Variants in SPATA6 observed in about 807,000 individuals in gnomAD.
SPATA6 encodes spermatogenesis associated 6.
A neutral mutation model predicts 65.3 loss-of-function variants in SPATA6; 56 were observed. The ratio of observed to expected loss-of-function variants is 0.86; its 90% CI spans 0.69 to 1.07. SPATA6 has a LOEUF of 1.07. SPATA6 is among the 50% of genes least tolerant of loss of function. SPATA6 has a pLI of 0.00. For missense variants in SPATA6, 590 were observed against 594.8 expected, an observed-to-expected ratio of 0.99 and a Z score of 0.08; for synonymous variants, 199 against 213.2, an observed-to-expected ratio of 0.93 and a Z score of 0.58.
At chr1:48,460,287 T>A (rs1439667168) in intron 1 of SPATA6, among the ~76,000 whole-genome samples, 1 of 152,160 alleles carries the variant, frequency 6.6e-6, no homozygotes, top group Non-Finnish European at 1.5e-5. Context: ...TTCTAAAAGG[T>A]ATATTACAGC....
chr1:48,316,310 G>T (rs1476014534), intron 11 of SPATA6, among the ~76,000 whole-genome samples: 1 of 152,142 alleles, frequency 6.6e-6, no homozygotes, highest in African/African-American at 2.4e-5. Flanking sequence ...AACCAAAACA[G>T]CATGGTACTG....
At position 48,339,740 on chromosome 1, in the gene SPATA6, TAAA is replaced by T. The variant is rs1186092535; in HGVS notation, c.1194+15927_1194+15929del. Among the ~76,000 whole-genome samples, 3 of 152,018 alleles carry T rather than the reference TAAA, an allele frequency of 2.0e-5. No individual in the cohort carries two copies. In the East Asian group the frequency reaches 5.8e-4, roughly 29 times the overall value. On this transcript the variant is annotated intron_variant, in intron 11 of 12. Coordinates refer to ENST00000371847, the MANE Select transcript of SPATA6 (RefSeq NM_019073.4). ...CACAATAAAATAGCAAATAGAATGA[TAAA>T]AATTGGAAAGAGCGCAAGAAACTTG... is the stretch of plus-strand genomic sequence containing the variant.
the SPATA6 span, among the ~76,000 whole-genome samples, chr1:48,283,307 C>T: frequency 2.4e-4 from 36 of 150,942 alleles, no homozygotes; most frequent in African/African-American, 8.8e-4. Flanking sequence ...ACATTGTGCA[C>T]ATGTACCCCC....
At chr1:48,299,456 G>A (rs546446880) in intron 12 of SPATA6, among the ~76,000 whole-genome samples, 5 of 134,222 alleles carry the variant, frequency 3.7e-5, no homozygotes, top group Non-Finnish European at 7.7e-5. Context: ...AGAGGTTGCA[G>A]TGAGCTGAGA....
chr1:48,411,672 C>T (rs982142620), intron 4 of SPATA6, 84 bp from the exon 5 acceptor site: 55 of 1,165,570 alleles, frequency 4.7e-5, no homozygotes, highest in African/African-American at 2.9e-4. Flanking sequence ...ATATCTACTG[C>T]CTGATGCCTT....
chr1:48,377,428 T>C (rs1231129755), intron 9 of SPATA6, among the ~76,000 whole-genome samples: 4 of 152,134 alleles, frequency 2.6e-5, no homozygotes, highest in African/African-American at 4.8e-5. Flanking sequence ...TTTTCCCTTT[T>C]CTATTGCAGA....
At chr1:48,410,526 T>A (rs1201308016) in intron 5 of SPATA6, among the ~76,000 whole-genome samples, 1 of 152,194 alleles carries the variant, frequency 6.6e-6, no homozygotes, top group Non-Finnish European at 1.5e-5. Flanking sequence ...TCGGTACCAA[T>A]GTACTGTATT....
chr1:48,408,855 C>G (rs1013663845), intron 5 of SPATA6, among the ~76,000 whole-genome samples: 2 of 152,120 alleles, frequency 1.3e-5, no homozygotes, highest in Admixed American at 1.3e-4. Context: ...AAGACCCATC[C>G]CCATGATTCA....
intron 5 of SPATA6, among the ~76,000 whole-genome samples, chr1:48,409,834 G>GACT (rs1652049445): frequency 6.6e-6 from 1 of 152,178 alleles, no homozygotes; most frequent in Admixed American, 6.5e-5. Flanking sequence ...CAAGTCCCTA[G>GACT]GCTGCACACA....
At chr1:48,411,301 CAT>C (rs1368376948) in intron 5 of SPATA6, among the ~76,000 whole-genome samples, 161 bp downstream of exon 5, 1 of 151,982 alleles carries the variant, frequency 6.6e-6, no homozygotes, top group African/African-American at 2.4e-5. Flanking sequence ...GTTTAAGTAA[CAT>C]ATTGAAATCT....
the SPATA6 span, among the ~76,000 whole-genome samples, chr1:48,282,270 A>G: frequency 9.8e-5 from 15 of 152,316 alleles, no homozygotes; most frequent in East Asian, 2.7e-3. Flanking sequence ...GGACATAGGC[A>G]TGGGCAAGGA....
chr1:48,472,153 C>G lies in SPATA6; in HGVS notation c.-145G>C, dbSNP rs964467961. The stretch of plus-strand genomic sequence containing the variant: ...CCCCAGGCCGGGGCCCGCGGTCCAG[C>G]CTGGGTTCCGCCGGAGAAGCAGCTG... On this transcript the variant is annotated 5_prime_UTR_variant, in exon 1 of 13. Transcript: ENST00000371847. The G allele has an allele frequency of 1.1e-5, 7 of 611,632 alleles. No homozygotes were observed. Among genetic ancestry groups the G allele is most frequent in the Non-Finnish European group, 1.9e-5 (7 of 374,284 alleles). 37.9% of individuals were successfully genotyped at this position (611,632 alleles called of 1,614,324 possible).
the SPATA6 span, among the ~76,000 whole-genome samples, chr1:48,273,735 T>C: frequency 1.3e-5 from 2 of 152,196 alleles, no homozygotes; most frequent in Non-Finnish European, 2.9e-5. Context: ...CTTTATACAT[T>C]CTATCATTTA....
intron 11 of SPATA6, among the ~76,000 whole-genome samples, chr1:48,350,342 A>T (rs1646482884): frequency 6.7e-6 from 1 of 148,912 alleles, no homozygotes; most frequent in Non-Finnish European, 1.5e-5. Flanking sequence ...GTCCTAACTC[A>T]TATATGTGAT....
intron 3 of SPATA6, among the ~76,000 whole-genome samples, chr1:48,416,461 ATATG>A (rs1652796070): frequency 6.6e-6 from 1 of 152,250 alleles, no homozygotes; most frequent in Non-Finnish European, 1.5e-5. Context: ...GAATACTCAC[ATATG>A]TATGTGTGCA....
intron 9 of SPATA6, among the ~76,000 whole-genome samples, chr1:48,381,560 G>GT (rs1442881354): frequency 6.7e-6 from 1 of 150,254 alleles, no homozygotes; most frequent in African/African-American, 2.4e-5. Context: ...GCACAAAATA[G>GT]TTTAATAGTA....
At chr1:48,342,263 C>T (rs1646239625) in intron 11 of SPATA6, among the ~76,000 whole-genome samples, 1 of 152,006 alleles carries the variant, frequency 6.6e-6, no homozygotes, top group Admixed American at 6.6e-5. Flanking sequence ...CTAGAATTTG[C>T]CTGTGTGGCA....
chr1:48,377,284 C>G (rs1413337337), intron 9 of SPATA6, among the ~76,000 whole-genome samples: 1 of 152,046 alleles, frequency 6.6e-6, no homozygotes, highest in African/African-American at 2.4e-5. Context: ...TTACCAAAAT[C>G]TCCAATATGT....
chr1:48,429,495 G>T (rs1478174030), intron 3 of SPATA6, among the ~76,000 whole-genome samples: 2 of 151,888 alleles, frequency 1.3e-5, no homozygotes, highest in Non-Finnish European at 2.9e-5. Flanking sequence ...CAAAAAACTA[G>T]GGAAACAGGA....
Sources: gnomAD v4.1 joint callset for allele counts (sites outside exome capture counted in the v4.1 genomes callset) on GRCh38, gnomAD v4.1.1 for gene constraint, MANE v1.5 for transcripts, NCBI Gene and HGNC (gene_info 2026-07-23, HGNC 2026-07-21) for gene names.